PAPPA: variants seen among roughly 807,000 people sequenced by gnomAD.
PAPPA encodes the protein pappalysin-1.
PAPPA carries 60 observed loss-of-function variants against 164.0 expected under a neutral mutation model. The observed-to-expected ratio is 0.37, with a 90% CI of 0.30 to 0.45. The LOEUF (loss-of-function observed/expected upper bound fraction) is 0.45, where lower values mean the gene tolerates loss of function less well. Ranked by LOEUF, PAPPA falls within the 20% of genes least tolerant of loss-of-function variation. The pLI is 1.00. For missense variants in PAPPA, 1,782 were observed against 2,087.3 expected (o/e 0.85, Z 2.85); for synonymous variants, 875 against 814.1 (o/e 1.07, Z -1.27).
At chr9:116,202,040 T>C (rs1265832204) in intron 2 of PAPPA, among the ~76,000 whole-genome samples, 1 of 152,164 alleles carries the variant, frequency 6.6e-6, no homozygotes, top group African/African-American at 2.4e-5. Context: ...GGAAGTCCAC[T>C]GAAGAGTGAC....
rs927428797 is a variant in PAPPA, at chr9:116,154,848, G to T, written c.415+261G>T. On this transcript the variant is annotated intron_variant, in intron 1 of 21. Transcript: ENST00000328252. The surrounding 1 kb of genome is among the most constrained non-coding windows in gnomAD (Gnocchi z 5.2). Reference sequence around the variant, plus strand: ...CTCCTGGCGGCCCCGCGGACCCTCGGCCAGTGAGGGCTGGTTCCCGGAGCC... The same window carrying T: ...CTCCTGGCGGCCCCGCGGACCCTCGTCCAGTGAGGGCTGGTTCCCGGAGCC... 3.1e-4 allele frequency among the ~76,000 whole-genome samples: 47 copies of T among 152,358 alleles called. No homozygotes were observed. Among genetic ancestry groups the T allele is most frequent in the African/African-American group, 1.1e-3 (45 of 41,604 alleles).
intron 7 of PAPPA, among the ~76,000 whole-genome samples, chr9:116,259,149 AAATAAT>A (rs748327371): frequency 1.3e-5 from 2 of 151,286 alleles, no homozygotes; most frequent in East Asian, 1.9e-4. Flanking sequence ...TAATAATAGT[AAATAAT>A]AATAATAATA....
rs1394795920 is a variant in PAPPA, at chr9:116,398,626, T to G, written c.*2010T>G. Reference sequence around the variant, plus strand: ...AATTACACTAAGAAACATATCAAGGTGCTTTTGGCACAGGTGCCCACAAAT... The same window carrying G: ...AATTACACTAAGAAACATATCAAGGGGCTTTTGGCACAGGTGCCCACAAAT... On this transcript the variant is annotated 3_prime_UTR_variant, in exon 22 of 22. Transcript: ENST00000328252. The G allele has an allele frequency of 3.1e-6, 3 of 972,064 alleles. No homozygotes were observed. In the South Asian group the frequency reaches 4.0e-5, roughly 13 times the overall value. The allele number at this position is 972,064 out of a possible 1,614,324, so 60.2% of individuals were successfully genotyped here.
intron 10 of PAPPA, among the ~76,000 whole-genome samples, chr9:116,310,885 A>G (rs1233296243): frequency 6.6e-6 from 1 of 152,122 alleles, no homozygotes; most frequent in Non-Finnish European, 1.5e-5. Flanking sequence ...TTCATCTGTA[A>G]TATAGGAGTA....
chr9:116,332,033 T>A (rs1042511167), intron 11 of PAPPA, among the ~76,000 whole-genome samples: 7 of 152,184 alleles, frequency 4.6e-5, no homozygotes, highest in Admixed American at 1.3e-4. Context: ...TTGATTTTTT[T>A]ATTTTTTTTT....
chr9:116,271,230 C>T lies in PAPPA; in HGVS notation c.2862-95C>T. ...AGAGAAAGGGATTTGTGCAAGGTCT[C>T]ACTGAAGGTTCATGGCCCAGGGAGG... On this transcript the variant is annotated intron_variant, in intron 8 of 21. Coordinates refer to ENST00000328252, the MANE Select transcript of PAPPA (RefSeq NM_002581.5). The surrounding 1 kb of genome is among the most constrained non-coding windows in gnomAD (Gnocchi z 4.2). 1 of 773,834 alleles carries T rather than the reference C, an allele frequency of 1.3e-6. No homozygotes were observed. 47.9% of individuals were successfully genotyped at this position (773,834 alleles called of 1,614,324 possible).
intron 1 of PAPPA, among the ~76,000 whole-genome samples, chr9:116,164,020 C>T (rs1206436818): frequency 6.6e-6 from 1 of 152,162 alleles, no homozygotes; most frequent in Non-Finnish European, 1.5e-5. Flanking sequence ...GAGTGACTCC[C>T]AGTCATCACT....
chr9:116,315,487 C>T (rs1263235436), intron 10 of PAPPA, among the ~76,000 whole-genome samples: 1 of 152,146 alleles, frequency 6.6e-6, no homozygotes, highest in Admixed American at 6.5e-5. Flanking sequence ...TTTTTCTCTG[C>T]TAACAGCTTT....
chr9:116,250,409 C>CA (rs1177963222), intron 7 of PAPPA, among the ~76,000 whole-genome samples: 6 of 152,128 alleles, frequency 3.9e-5, no homozygotes, highest in African/African-American at 1.4e-4. Context: ...GGATGTTAGT[C>CA]AAAAATGCCA....
At chr9:116,229,350 T>C (rs1844556665) in intron 6 of PAPPA, among the ~76,000 whole-genome samples, 1 of 152,202 alleles carries the variant, frequency 6.6e-6, no homozygotes, top group South Asian at 2.1e-4. Flanking sequence ...TCCACTCTCA[T>C]TCTCTCCTGA....
intron 18 of PAPPA, among the ~76,000 whole-genome samples, chr9:116,363,565 G>C (rs903689290): frequency 6.6e-6 from 1 of 152,236 alleles, no homozygotes; most frequent in South Asian, 2.1e-4. Context: ...AGTGCATGGA[G>C]TGTGACCTCA....
At chr9:116,180,845 G>A (rs1843896386) in intron 1 of PAPPA, among the ~76,000 whole-genome samples, 1 of 152,092 alleles carries the variant, frequency 6.6e-6, no homozygotes, top group Non-Finnish European at 1.5e-5. Context: ...GAAATCAGGA[G>A]ACTCGAATTC....
At position 116,367,746 on chromosome 9, in the gene PAPPA, C is replaced by G; in HGVS notation, c.4597C>G (p.Arg1533Gly). The change falls in exon 19 of 22, where the codon CGG becomes GGG. Residue 1533 changes from arginine (R) to glycine (G), a missense_variant. Coordinates refer to ENST00000328252, the MANE Select transcript of PAPPA (RefSeq NM_002581.5). Reference protein sequence around the residue: ...RDIPHWLNPTRVERVVCTAGL... With the variant: ...RDIPHWLNPTGVERVVCTAGL... ...CATCCCCCACTGGCTGAACCCCACA[C>G]GGGTAGAGGTGAGTGACCAGGGACA... 2 of 1,610,708 alleles carry G rather than the reference C, an allele frequency of 1.2e-6. No individual in the cohort carries two copies. The highest frequency in any genetic ancestry group is 1.7e-6 in the Non-Finnish European group (2 of 1,177,102).
At chr9:116,238,141 G>A (rs751774768) in intron 7 of PAPPA, among the ~76,000 whole-genome samples, 26 of 151,940 alleles carry the variant, frequency 1.7e-4, no homozygotes, top group Non-Finnish European at 3.2e-4. Flanking sequence ...AATAAGGCCT[G>A]ACCATTAGAA....
intron 9 of PAPPA, among the ~76,000 whole-genome samples, chr9:116,297,460 C>T (rs1243944783): frequency 6.6e-6 from 1 of 152,178 alleles, no homozygotes; most frequent in South Asian, 2.1e-4. Context: ...TTTCTTCCTC[C>T]CTTCTCCAGC....
intron 10 of PAPPA, among the ~76,000 whole-genome samples, chr9:116,325,619 C>T (rs527286032): frequency 2.0e-5 from 3 of 152,154 alleles, no homozygotes; most frequent in Non-Finnish European, 4.4e-5. Flanking sequence ...TTCAATTCCT[C>T]CAGGTGCTAG....
At chr9:116,157,815 G>T (rs147126191) in intron 1 of PAPPA, among the ~76,000 whole-genome samples, 1 of 152,220 alleles carries the variant, frequency 6.6e-6, no homozygotes, top group East Asian at 1.9e-4. Context: ...GGGGATGAGG[G>T]GTTGTTTCTG....
rs577158109 is a variant in PAPPA at position 116,363,804 on chromosome 9, G to A, written c.4495+1065G>A. On this transcript the variant is annotated intron_variant, in intron 18 of 21. Coordinates refer to ENST00000328252, the MANE Select transcript of PAPPA (RefSeq NM_002581.5). ...AAGCAAGGCCTGTGTGGTTGGAGAG[G>A]GAAGGTTCATGGGGACTGTCCATCC... 9.2e-5 allele frequency among the ~76,000 whole-genome samples: 14 copies of A among 152,300 alleles called. No individual in the cohort carries two copies. The East Asian group carries it at 2.7e-3, about 29-fold the overall frequency.
chr9:116,273,440 A>G (rs1845160265), intron 9 of PAPPA, among the ~76,000 whole-genome samples: 1 of 152,346 alleles, frequency 6.6e-6, no homozygotes. Flanking sequence ...CAGAGATTCT[A>G]TGACCCAAAG....
Sources: gnomAD v4.1 joint callset for allele counts (sites outside exome capture counted in the v4.1 genomes callset) on GRCh38, gnomAD v4.1.1 for gene constraint, Gnocchi (gnomAD v3.1) non-coding constraint, MANE v1.5 for transcripts, NCBI Gene and HGNC (gene_info 2026-07-23, HGNC 2026-07-21) for gene names.